The following THSD7B variants were observed in gnomAD, a reference collection of about 807,000 sequenced individuals.
THSD7B encodes thrombospondin type 1 domain containing 7B, also known as thrombospondin type-1 domain-containing protein 7B.
THSD7B carries 138 observed loss-of-function variants against 213.6 expected under a neutral mutation model. The observed-to-expected ratio is 0.65, with a 90% CI of 0.56 to 0.74. The LOEUF (loss-of-function observed/expected upper bound fraction) is 0.74. Ranked by LOEUF, THSD7B falls within the 30% of genes least tolerant of loss-of-function variation. The probability of loss-of-function intolerance (pLI) is 0.00; values close to 1 mark genes in which losing one functional copy is unlikely to be tolerated. For missense variants in THSD7B, 1,931 were observed against 1,991.5 expected, an observed-to-expected ratio of 0.97 and a Z score of 0.58; for synonymous variants, 742 against 687.0, an observed-to-expected ratio of 1.08 and a Z score of -1.25.
rs1337858384 is a variant in THSD7B at position 137,360,628 on chromosome 2, C to T, written c.2501-44985C>T. Among the ~76,000 whole-genome samples the T allele has an allele frequency of 2.6e-5, 4 of 152,148 alleles. No homozygotes were observed. The East Asian group carries it at 7.7e-4, about 29-fold the overall frequency. ...TGCTCACTGCTAGTCCAAGATTGAA[C>T]TGCTGGGCGGCAAGCCTGGCTAGGG... On this transcript the variant is annotated intron_variant, in intron 12 of 27. Coordinates refer to ENST00000409968, the MANE Select transcript of THSD7B (RefSeq NM_001316349.2).
chr2:137,570,872 A>G (rs377496579), intron 16 of THSD7B, among the ~76,000 whole-genome samples: 8 of 152,226 alleles, frequency 5.3e-5, no homozygotes, highest in South Asian at 2.1e-4. Flanking sequence ...TAAATGAATC[A>G]CTGACAAATA....
At chr2:137,237,626 T>C (rs1681797573) in intron 9 of THSD7B, among the ~76,000 whole-genome samples, 1 of 152,224 alleles carries the variant, frequency 6.6e-6, no homozygotes, top group Non-Finnish European at 1.5e-5. Context: ...TCAAAAGTCT[T>C]TTCTCTGTCA....
chr2:137,459,322 G>C (rs1029642560), intron 15 of THSD7B, among the ~76,000 whole-genome samples: 1 of 152,138 alleles, frequency 6.6e-6, no homozygotes, highest in Non-Finnish European at 1.5e-5. Context: ...GGTTCCTGCA[G>C]AAAAACATTT....
At chr2:137,232,856 A>G (rs1435472774) in intron 8 of THSD7B, 43 bp from the exon 9 acceptor site, 1 of 1,589,918 alleles carries the variant, frequency 6.3e-7, no homozygotes. Context: ...AAAAACAAGA[A>G]CAGCAACCAC....
At chr2:137,007,361 C>T (rs189522479) in intron 2 of THSD7B, among the ~76,000 whole-genome samples, 17 of 152,236 alleles carry the variant, frequency 1.1e-4, no homozygotes, top group Non-Finnish European at 1.5e-4. Flanking sequence ...TAAATTACAC[C>T]ATGAAGCATT....
chr2:137,611,221 A>G (rs933422127), intron 17 of THSD7B, among the ~76,000 whole-genome samples: 1 of 151,798 alleles, frequency 6.6e-6, no homozygotes, highest in African/African-American at 2.4e-5. Flanking sequence ...TTATATCACA[A>G]AAAACACACA....
intron 3 of THSD7B, among the ~76,000 whole-genome samples, chr2:137,074,335 T>C (rs1277571684): frequency 6.6e-6 from 1 of 152,182 alleles, no homozygotes; most frequent in African/African-American, 2.4e-5. Flanking sequence ...TTTACCATTA[T>C]GTAATGGCCT....
chr2:137,351,477 A>G (rs141337227), intron 12 of THSD7B, among the ~76,000 whole-genome samples: 1 of 152,002 alleles, frequency 6.6e-6, no homozygotes. Context: ...CCATGCATGC[A>G]TAGGCAGAGT....
At chr2:137,422,856 T>C (rs764652977) in intron 14 of THSD7B, among the ~76,000 whole-genome samples, 1 of 152,108 alleles carries the variant, frequency 6.6e-6, no homozygotes, top group East Asian at 1.9e-4. Flanking sequence ...GATTTCTTTA[T>C]TGATGATTGA....
chr2:137,674,250 C>A (rs187070338), intron 27 of THSD7B, among the ~76,000 whole-genome samples: 1 of 151,504 alleles, frequency 6.6e-6, no homozygotes, highest in Non-Finnish European at 1.5e-5. Flanking sequence ...CTGCCAAAAT[C>A]TCTGTTTTGG....
rs370019421 is a variant in THSD7B at position 137,323,280 on chromosome 2, CAG to C, written c.2500+47258_2500+47259del. Among the ~76,000 whole-genome samples the C allele has an allele frequency of 7.1e-3, 1,084 of 152,270 alleles. 15 individuals carry two copies. Among genetic ancestry groups the C allele is most frequent in the African/African-American group, 0.024 (1,010 of 41,556 alleles). On this transcript the variant is annotated intron_variant, in intron 12 of 27. Coordinates refer to ENST00000409968, the MANE Select transcript of THSD7B (RefSeq NM_001316349.2). ...GAAGTCAGAGGTGGAGGTAGCATGA[CAG>C]AGACACCATGCCATCCATGAGCAAG...
At position 137,029,124 on chromosome 2, in the gene THSD7B, G is replaced by A. The variant is rs1336103758; in HGVS notation, c.140-27296G>A. Among the ~76,000 whole-genome samples, 4 of 123,830 alleles carry A rather than the reference G, an allele frequency of 3.2e-5. No individual in the cohort carries two copies. In the East Asian group the frequency reaches 9.7e-4, roughly 30 times the overall value. 81.2% of individuals were successfully genotyped at this position (123,830 alleles called of 152,430 possible). On this transcript the variant is annotated intron_variant, in intron 2 of 27. Coordinates refer to ENST00000409968, the MANE Select transcript of THSD7B (RefSeq NM_001316349.2). ...GAAAGAGTCTTGCTCTGTTGCCCAT[G>A]CTAGAGTTTAGTGGCATGATCTCGG...
At chr2:136,829,940 A>G (rs1027899450) in intron 1 of THSD7B, among the ~76,000 whole-genome samples, 3 of 151,916 alleles carry the variant, frequency 2.0e-5, no homozygotes, top group African/African-American at 7.3e-5. Flanking sequence ...TATCTTTTTT[A>G]TATTTTTATT....
chr2:136,860,581 T>G (rs1321473348), intron 1 of THSD7B, among the ~76,000 whole-genome samples: 6 of 152,248 alleles, frequency 3.9e-5, no homozygotes, highest in Admixed American at 3.9e-4. Flanking sequence ...GAGTCATCCT[T>G]GATTCTTCTT....
chr2:136,945,758 G>T (rs1392484591), intron 2 of THSD7B, among the ~76,000 whole-genome samples: 1 of 151,972 alleles, frequency 6.6e-6, no homozygotes, highest in Non-Finnish European at 1.5e-5. Context: ...CCACTTGATC[G>T]AATTGGCTAT....
intron 15 of THSD7B, among the ~76,000 whole-genome samples, chr2:137,482,831 C>T (rs374179345): frequency 7.9e-5 from 12 of 152,092 alleles, no homozygotes; most frequent in East Asian, 5.8e-4. Flanking sequence ...AAAGGACAGA[C>T]ACGGGTGAGA....
At chr2:137,451,330 G>GTGTA (rs1687647906) in intron 15 of THSD7B, among the ~76,000 whole-genome samples, 1 of 151,370 alleles carries the variant, frequency 6.6e-6, no homozygotes, top group Non-Finnish European at 1.5e-5. Context: ...ATATATATGT[G>GTGTA]TGTATATATA....
intron 2 of THSD7B, among the ~76,000 whole-genome samples, chr2:136,966,894 G>A (rs746273330): frequency 5.3e-5 from 8 of 151,966 alleles, no homozygotes; most frequent in African/African-American, 9.7e-5. Flanking sequence ...TTTCTTTCAC[G>A]TAGAAAGTCT....
At chr2:136,926,762 C>G (rs1328706606) in intron 2 of THSD7B, among the ~76,000 whole-genome samples, 1 of 151,856 alleles carries the variant, frequency 6.6e-6, no homozygotes, top group Non-Finnish European at 1.5e-5. Context: ...CTCTTTTGTC[C>G]ACTTTACTCA....
Sources: gnomAD v4.1 joint callset for allele counts (sites outside exome capture counted in the v4.1 genomes callset) on GRCh38, gnomAD v4.1.1 for gene constraint, MANE v1.5 for transcripts, NCBI Gene and HGNC (gene_info 2026-07-23, HGNC 2026-07-21) for gene names.